Variants in AGAP1 observed in about 807,000 individuals in gnomAD.
AGAP1 encodes the protein ArfGAP with GTPase domain, ankyrin repeat and PH domain 1.
AGAP1 carries 29 observed loss-of-function variants against 105.3 expected under a neutral mutation model. The observed-to-expected ratio is 0.28, with a 90% confidence interval of 0.21 to 0.38. AGAP1 has a LOEUF of 0.38. Among genes scored for constraint, AGAP1 ranks in the 10% least tolerant of loss-of-function variants. AGAP1 has a pLI of 1.00. For missense variants in AGAP1, 998 were observed against 1,165.1 expected (o/e 0.86, Z 2.09); for synonymous variants, 509 against 485.9 (o/e 1.05, Z -0.63).
At position 235,724,846 on chromosome 2, in the gene AGAP1, A is replaced by T. The variant is rs1951569759; in HGVS notation, c.310+7202A>T. On this transcript the variant is annotated intron_variant, in intron 3 of 17. Transcript: ENST00000304032. The surrounding 1 kb of genome is among the most constrained non-coding windows in gnomAD (Gnocchi z 4.9). Reference sequence around the variant, plus strand: ...TACTTTTGCTTTGTGCCTGGGAAGCAGGAAAGTACACCAGACCCACCTCAT... The same window carrying T: ...TACTTTTGCTTTGTGCCTGGGAAGCTGGAAAGTACACCAGACCCACCTCAT... Among the ~76,000 whole-genome samples, 1 of 152,188 alleles carries T rather than the reference A, an allele frequency of 6.6e-6. No individual in the cohort carries two copies. Among genetic ancestry groups the T allele is most frequent in the Admixed American group, 6.5e-5 (1 of 15,274 alleles).
At position 235,750,963 on chromosome 2, in the gene AGAP1, A is replaced by G. The variant is rs1953378374; in HGVS notation, c.673+475A>G. Among the ~76,000 whole-genome samples the G allele has an allele frequency of 6.6e-6, 1 of 152,184 alleles. No individual in the cohort carries two copies. The highest frequency in any genetic ancestry group is 6.5e-5 in the Admixed American group (1 of 15,284). ...CCCCCACCAAAAAAATAATAAAATG[A>G]CACGATACCACTCACAGCAGAGGGT... On this transcript the variant is annotated intron_variant, in intron 6 of 17. Coordinates refer to ENST00000304032, the MANE Select transcript of AGAP1 (RefSeq NM_001037131.3). This position sits in a 1 kb window ranked among gnomAD's most constrained non-coding sequence, Gnocchi z 5.3.
intron 15 of AGAP1, among the ~76,000 whole-genome samples, chr2:236,041,745 G>C (rs1370942965): frequency 1.3e-5 from 2 of 152,208 alleles, no homozygotes; most frequent in Admixed American, 6.5e-5. Context: ...CGTGCATGGC[G>C]TGGTGGGTCC....
At chr2:235,572,132 T>C (rs1944548725) in intron 1 of AGAP1, among the ~76,000 whole-genome samples, 1 of 151,590 alleles carries the variant, frequency 6.6e-6, no homozygotes, top group Non-Finnish European at 1.5e-5. Context: ...CTGAACTTTA[T>C]TGAGCTTTGC....
At chr2:235,524,301 G>A (rs1020704404) in intron 1 of AGAP1, 15 of 168,292 alleles carry the variant, frequency 8.9e-5, no homozygotes, top group Non-Finnish European at 1.4e-4. Flanking sequence ...TGGCCCAGAT[G>A]TAACTTTTAG....
At chr2:235,679,293 C>T (rs1053152211) in intron 1 of AGAP1, among the ~76,000 whole-genome samples, 2 of 152,134 alleles carry the variant, frequency 1.3e-5, no homozygotes, top group African/African-American at 4.8e-5. Flanking sequence ...AGCTGTAATA[C>T]GGGTTTTGCA....
chr2:235,783,283 A>G (rs1387607005), intron 6 of AGAP1: 3 of 463,326 alleles, frequency 6.5e-6, no homozygotes, highest in Non-Finnish European at 1.3e-5. Flanking sequence ...GAGTCATTAT[A>G]ACCTTTTACC....
At chr2:235,686,457 T>C (rs1326219298) in intron 1 of AGAP1, among the ~76,000 whole-genome samples, 3 of 151,180 alleles carry the variant, frequency 2.0e-5, no homozygotes, top group African/African-American at 7.3e-5. Context: ...ATTAAAATCA[T>C]GCACTTGTAG....
chr2:235,691,849 A>G lies in AGAP1; in HGVS notation c.164-17330A>G, dbSNP rs895960404. Among the ~76,000 whole-genome samples, 1 of 152,184 alleles carries G rather than the reference A, an allele frequency of 6.6e-6. No individual in the cohort carries two copies. The highest frequency in any genetic ancestry group is 1.5e-5 in the Non-Finnish European group (1 of 68,028). On this transcript the variant is annotated intron_variant, in intron 1 of 17. Coordinates refer to ENST00000304032, the MANE Select transcript of AGAP1 (RefSeq NM_001037131.3). This position sits in a 1 kb window ranked among gnomAD's most constrained non-coding sequence, Gnocchi z 4.4. ...CTGGATAGGGATGAGCTTGGGGACA[A>G]TGGCCAGTGACATCCAGGAGAGGGA...
At position 235,888,576 on chromosome 2, in the gene AGAP1, C is replaced by T. The variant is rs7609276; in HGVS notation, c.1155+5127C>T. Among the ~76,000 whole-genome samples the T allele has an allele frequency of 0.038, 5,773 of 152,160 alleles. 342 individuals carry two copies. The highest frequency in any genetic ancestry group is 0.13 in the African/African-American group (5,263 of 41,480). On this transcript the variant is annotated intron_variant, in intron 10 of 17. Transcript: ENST00000304032. This position sits in a 1 kb window ranked among gnomAD's most constrained non-coding sequence, Gnocchi z 4.8. ...AAAGTGAGCCAGGTGTGGTGGAGCA[C>T]ACCTGTAGTCCCAGCTACTCAGGAG...
intron 16 of AGAP1, 43 bp downstream of exon 16, chr2:236,049,324 A>G: frequency 6.4e-7 from 1 of 1,567,702 alleles, no homozygotes; most frequent in Non-Finnish European, 8.7e-7. Flanking sequence ...ACGTTTGCCA[A>G]CAGTTAGGCA....
In AGAP1 at chr2:236,101,670, A is replaced by G. The variant is rs1001589003; in HGVS notation, c.2115-18522A>G. Among the ~76,000 whole-genome samples the G allele has an allele frequency of 9.2e-5, 14 of 152,114 alleles. No individual in the cohort carries two copies. Among genetic ancestry groups the G allele is most frequent in the Non-Finnish European group, 1.8e-4 (12 of 68,022 alleles). ...TCTTCCCTTATCTGTTTATGATGCGATATGTTCCAAAGCCGATCACATCAG... is the reference window on the plus strand; with the variant it reads ...TCTTCCCTTATCTGTTTATGATGCGGTATGTTCCAAAGCCGATCACATCAG... On this transcript the variant is annotated intron_variant, in intron 16 of 17. Coordinates refer to ENST00000304032, the MANE Select transcript of AGAP1 (RefSeq NM_001037131.3). This position sits in a 1 kb window ranked among gnomAD's most constrained non-coding sequence, Gnocchi z 4.9.
chr2:236,042,747 T>TG lies in AGAP1; in HGVS notation c.1891+1909dup, dbSNP rs1416899057. On this transcript the variant is annotated intron_variant, in intron 15 of 17. Transcript: ENST00000304032. This position sits in a 1 kb window ranked among gnomAD's most constrained non-coding sequence, Gnocchi z 5.6. ...AAGGGAGGCCAGTGCAGGGGAGGTGTGGGCCAGTTTGTTCTGAGCAAGACC... is the reference window on the plus strand; with the variant it reads ...AAGGGAGGCCAGTGCAGGGGAGGTGTGGGGCCAGTTTGTTCTGAGCAAGACC... Among the ~76,000 whole-genome samples, 1 of 151,926 alleles carries TG rather than the reference T, an allele frequency of 6.6e-6. No individual in the cohort carries two copies. The highest frequency in any genetic ancestry group is 1.9e-4 in the East Asian group (1 of 5,156).
chr2:235,590,665 A>G (rs1189363545), intron 1 of AGAP1, among the ~76,000 whole-genome samples: 2 of 127,468 alleles, frequency 1.6e-5, no homozygotes, highest in South Asian at 2.5e-4. Flanking sequence ...TTTTGTTTTA[A>G]TGTGTGTGTG....
rs141471085 is a variant in AGAP1 at position 235,886,610 on chromosome 2, A to G, written c.1155+3161A>G. 5.4e-3 allele frequency among the ~76,000 whole-genome samples: 828 copies of G among 152,244 alleles called. 3 individuals are homozygous for G. The highest frequency in any genetic ancestry group is 0.01 in the Middle Eastern group (3 of 294). On this transcript the variant is annotated intron_variant, in intron 10 of 17. Coordinates refer to ENST00000304032, the MANE Select transcript of AGAP1 (RefSeq NM_001037131.3). Reference sequence around the variant, plus strand: ...TACTGGAGTACGGAAGAGGGGCGCAATGGGGCTTTGTTGTATAATTGTATA... The same window carrying G: ...TACTGGAGTACGGAAGAGGGGCGCAGTGGGGCTTTGTTGTATAATTGTATA...
At position 235,869,217 on chromosome 2, in the gene AGAP1, G is replaced by A. The variant is rs187282096; in HGVS notation, c.1051-14128G>A. Among the ~76,000 whole-genome samples, 777 of 151,986 alleles carry A rather than the reference G, an allele frequency of 5.1e-3. 9 individuals are homozygous for A. The highest frequency in any genetic ancestry group is 0.018 in the African/African-American group (736 of 41,464). ...CCTTGGTTTGTACCTCGAATCTTGC[G>A]CCTGTTTCTTCCCCTTACTGCCGTT... On this transcript the variant is annotated intron_variant, in intron 9 of 17. Transcript: ENST00000304032.
chr2:236,097,380 CTTTTTTTTTTTTTTTTTTT>C (rs58882083), intron 16 of AGAP1, among the ~76,000 whole-genome samples: 3 of 48,670 alleles, frequency 6.2e-5, no homozygotes, highest in East Asian at 1.5e-3. Flanking sequence ...TCATCCTAAT[CTTTTTTTTTTTTTTTTTTT>C]TTTTTTTTTT....
At chr2:235,693,352 AT>A (rs1209318688) in intron 1 of AGAP1, among the ~76,000 whole-genome samples, 7 of 152,194 alleles carry the variant, frequency 4.6e-5, no homozygotes, top group African/African-American at 1.7e-4. Context: ...TCACCAGTCT[AT>A]GATTGGACGT....
chr2:235,659,041 C>T lies in AGAP1; in HGVS notation c.164-50138C>T, dbSNP rs1947865192. 6.6e-6 allele frequency among the ~76,000 whole-genome samples: 1 copy of T among 152,218 alleles called. No homozygotes were observed. The highest frequency in any genetic ancestry group is 2.4e-5 in the African/African-American group (1 of 41,460). ...ACTTGCTTTCCTTTGAGAGGCCCTC[C>T]ATTGTTCCCGCCCTGCCAACTTCCA... On this transcript the variant is annotated intron_variant, in intron 1 of 17. Transcript: ENST00000304032. The surrounding 1 kb of genome is among the most constrained non-coding windows in gnomAD (Gnocchi z 5.0).
At position 235,819,754 on chromosome 2, in the gene AGAP1, T is replaced by C. The variant is rs146664262; in HGVS notation, c.1050+12423T>C. 2.9e-3 allele frequency among the ~76,000 whole-genome samples: 440 copies of C among 152,196 alleles called. 2 individuals carry two copies. Among genetic ancestry groups the C allele is most frequent in the East Asian group, 0.02 (103 of 5,174 alleles). On this transcript the variant is annotated intron_variant, in intron 9 of 17. Coordinates refer to ENST00000304032, the MANE Select transcript of AGAP1 (RefSeq NM_001037131.3). The stretch of plus-strand genomic sequence containing the variant: ...TCATTCACGCCTCCTTTCCCACGTG[T>C]TTCCGGATGGTGCACACTCCGAGAC...
Sources: allele counts gnomAD v4.1 joint callset (sites outside exome capture counted in the v4.1 genomes callset), GRCh38; gene constraint gnomAD v4.1.1; non-coding constraint Gnocchi (gnomAD v3.1); transcripts MANE v1.5; gene names NCBI Gene and HGNC (gene_info 2026-07-23, HGNC 2026-07-21).